Variants in ADAMTS6 observed in about 807,000 individuals in gnomAD.
The protein encoded by ADAMTS6 is ADAM metallopeptidase with thrombospondin type 1 motif 6.
In ADAMTS6, 23 loss-of-function variants were observed where a neutral mutation model predicts 144.3. That is an observed-to-expected ratio of 0.16 (90% CI 0.11 to 0.23). The LOEUF (loss-of-function observed/expected upper bound fraction) is 0.23, where lower values mean the gene tolerates loss of function less well. Among genes scored for constraint, ADAMTS6 ranks in the 10% least tolerant of loss-of-function variants. ADAMTS6 has a pLI of 1.00. For missense variants in ADAMTS6, 999 were observed against 1,379.6 expected, an observed-to-expected ratio of 0.72 and a Z score of 4.37; for synonymous variants, 444 against 457.5, an observed-to-expected ratio of 0.97 and a Z score of 0.38.
intron 9 of ADAMTS6, 48 bp from the exon 10 acceptor site, chr5:65,300,179 C>T (rs2112797458): frequency 6.4e-7 from 1 of 1,550,824 alleles, no homozygotes; most frequent in Non-Finnish European, 8.8e-7. Context: ...AGAAAAAAAC[C>T]CCAACACATC....
intron 7 of ADAMTS6, among the ~76,000 whole-genome samples, chr5:65,447,577 C>G (rs1326381958): frequency 6.6e-6 from 1 of 151,836 alleles, no homozygotes; most frequent in Non-Finnish European, 1.5e-5. Flanking sequence ...TTGTATTTTG[C>G]CTTCAAAAAT....
intron 7 of ADAMTS6, among the ~76,000 whole-genome samples, chr5:65,334,368 C>T (rs1460966121): frequency 6.6e-6 from 1 of 152,210 alleles, no homozygotes; most frequent in Non-Finnish European, 1.5e-5. Context: ...ATCTGCCATA[C>T]TGTTTTGAAG....
rs140426449 is a variant in ADAMTS6 at position 65,384,701 on chromosome 5, A to G, written c.1074-50616T>C. ...TGTCCTTAAGCCTCCTTTCACAGCT[A>G]TGTACCACAAAACTTCCAACCTCTA... is the stretch of plus-strand genomic sequence containing the variant. On this transcript the variant is annotated intron_variant, in intron 7 of 24. Coordinates refer to ENST00000381055, the MANE Select transcript of ADAMTS6 (RefSeq NM_197941.4). Among the ~76,000 whole-genome samples, 276 of 152,272 alleles carry G rather than the reference A, an allele frequency of 1.8e-3. 2 individuals are homozygous for G. The highest frequency in any genetic ancestry group is 6.4e-3 in the African/African-American group (266 of 41,556).
chr5:65,428,225 CAAAA>C (rs759344039), intron 7 of ADAMTS6, among the ~76,000 whole-genome samples: 2 of 58,416 alleles, frequency 3.4e-5, no homozygotes, highest in South Asian at 6.6e-4. Context: ...GACTCCATCT[CAAAA>C]AAAAAAAAAA....
At chr5:65,373,928 T>C (rs752725945) in intron 7 of ADAMTS6, among the ~76,000 whole-genome samples, 25 of 152,148 alleles carry the variant, frequency 1.6e-4, no homozygotes, top group Non-Finnish European at 3.2e-4. Context: ...GTGGGCTTCA[T>C]CCCTGGGATG....
chr5:65,447,692 G>C (rs1324912881), intron 7 of ADAMTS6, among the ~76,000 whole-genome samples: 3 of 151,672 alleles, frequency 2.0e-5, no homozygotes, highest in Non-Finnish European at 4.4e-5. Flanking sequence ...CACTAATTTA[G>C]GTGAATATTA....
At chr5:65,376,681 A>G (rs961852866) in intron 7 of ADAMTS6, among the ~76,000 whole-genome samples, 2 of 151,940 alleles carry the variant, frequency 1.3e-5, no homozygotes, top group African/African-American at 4.8e-5. Flanking sequence ...AAATACAAAA[A>G]TTAGCCAGGC....
At chr5:65,400,153 T>C (rs183000381) in intron 7 of ADAMTS6, among the ~76,000 whole-genome samples, 109 of 152,290 alleles carry the variant, frequency 7.2e-4, no homozygotes, top group African/African-American at 2.5e-3. Context: ...GGTAAGATTT[T>C]TTTTTCTCTG....
intron 14 of ADAMTS6, among the ~76,000 whole-genome samples, chr5:65,249,072 A>G (rs2112531277): frequency 6.6e-6 from 1 of 152,124 alleles, no homozygotes; most frequent in East Asian, 1.9e-4. Flanking sequence ...TTAGATAGGC[A>G]TGAGCAGGGT....
intron 14 of ADAMTS6, among the ~76,000 whole-genome samples, chr5:65,253,810 A>ATTT (rs1207584726): frequency 8.2e-6 from 1 of 121,938 alleles, no homozygotes; most frequent in Non-Finnish European, 1.7e-5. Flanking sequence ...ACAATATTCA[A>ATTT]TCTTTTTTTT....
At chr5:65,427,878 A>G (rs999318252) in intron 7 of ADAMTS6, among the ~76,000 whole-genome samples, 4 of 152,138 alleles carry the variant, frequency 2.6e-5, no homozygotes, top group Non-Finnish European at 4.4e-5. Context: ...AAACTTGTAG[A>G]AAAAAAGCTA....
chr5:65,434,488 A>T (rs998070606), intron 7 of ADAMTS6, among the ~76,000 whole-genome samples: 2 of 152,218 alleles, frequency 1.3e-5, no homozygotes, highest in Non-Finnish European at 2.9e-5. Flanking sequence ...AGAAAAAAGA[A>T]ATATAACTGG....
intron 7 of ADAMTS6, among the ~76,000 whole-genome samples, chr5:65,428,062 C>A (rs1237716728): frequency 2.0e-5 from 3 of 151,506 alleles, no homozygotes; most frequent in Non-Finnish European, 4.4e-5. Context: ...CCCGTCTCTA[C>A]TAAAAATACA....
intron 2 of ADAMTS6, among the ~76,000 whole-genome samples, chr5:65,472,258 G>A (rs1328782921): frequency 6.6e-6 from 1 of 152,126 alleles, no homozygotes; most frequent in Non-Finnish European, 1.5e-5. Context: ...AGGTTTAGTT[G>A]CCTACAGCTG....
At chr5:65,316,113 T>A (rs188974015) in intron 9 of ADAMTS6, among the ~76,000 whole-genome samples, 291 of 152,288 alleles carry the variant, frequency 1.9e-3, no homozygotes, top group Admixed American at 3.9e-3. Flanking sequence ...GGTTTCACCA[T>A]GTTGCCCAGG....
At chr5:65,440,016 C>T (rs1757744110) in intron 7 of ADAMTS6, among the ~76,000 whole-genome samples, 1 of 152,064 alleles carries the variant, frequency 6.6e-6, no homozygotes, top group African/African-American at 2.4e-5. Flanking sequence ...CCATGTTACC[C>T]AGTGTGGTCT....
intron 7 of ADAMTS6, among the ~76,000 whole-genome samples, chr5:65,334,958 T>C (rs532246405): frequency 3.3e-5 from 5 of 152,318 alleles, no homozygotes; most frequent in African/African-American, 9.6e-5. Context: ...CTCTGTTTTA[T>C]GCTAGAAGCG....
At chr5:65,401,149 A>G (rs954802516) in intron 7 of ADAMTS6, among the ~76,000 whole-genome samples, 1 of 152,184 alleles carries the variant, frequency 6.6e-6, no homozygotes, top group Non-Finnish European at 1.5e-5. Context: ...CAATAGCTGT[A>G]AATAGGCCTT....
intron 9 of ADAMTS6, among the ~76,000 whole-genome samples, chr5:65,319,740 GGAAGGAAGGAA>G (rs1745394897): frequency 3.1e-5 from 1 of 31,800 alleles, no homozygotes; most frequent in African/African-American, 2.6e-4. Context: ...AGGGAGGGAG[GGAAGGAAGGAA>G]GGAAGGAAGG....
Sources: allele counts gnomAD v4.1 joint callset (sites outside exome capture counted in the v4.1 genomes callset), GRCh38; gene constraint gnomAD v4.1.1; transcripts MANE v1.5; gene names NCBI Gene and HGNC (gene_info 2026-07-23, HGNC 2026-07-21).